The following RRP15 variants were observed in gnomAD, a reference collection of about 807,000 sequenced individuals.
The protein encoded by RRP15 is ribosomal RNA processing 15 homolog.
In RRP15, 18 loss-of-function variants were observed where a neutral mutation model predicts 27.1. That is an observed-to-expected ratio of 0.66 (90% CI 0.46 to 0.98). The LOEUF is 0.98. Ranked by LOEUF, RRP15 falls within the 50% of genes least tolerant of loss-of-function variation. RRP15 has a pLI of 0.00. For missense variants in RRP15, 359 were observed against 337.8 expected (o/e 1.06, Z -0.49); for synonymous variants, 107 against 109.4 (o/e 0.98, Z 0.14).
intron 4 of RRP15, among the ~76,000 whole-genome samples, chr1:218,315,234 G>A (rs965326184): frequency 2.7e-4 from 41 of 152,086 alleles, no homozygotes; most frequent in African/African-American, 9.4e-4. Context: ...TTAGTGGTGA[G>A]AATGCTTTTG....
At chr1:218,300,963 T>G (rs1264239407) in intron 1 of RRP15, among the ~76,000 whole-genome samples, 1 of 152,208 alleles carries the variant, frequency 6.6e-6, no homozygotes, top group Non-Finnish European at 1.5e-5. Context: ...TGCTTATGCC[T>G]TGGCCTTTTT....
intron 1 of RRP15, among the ~76,000 whole-genome samples, chr1:218,299,215 A>C (rs1292213141): frequency 2.0e-5 from 3 of 152,230 alleles, no homozygotes; most frequent in Admixed American, 6.5e-5. Flanking sequence ...AAATGTCATC[A>C]TTTTCATTGT....
chr1:218,334,993 A>C lies in RRP15; in HGVS notation c.*3902A>C, dbSNP rs1656427845. On this transcript the variant is annotated 3_prime_UTR_variant, in exon 5 of 5. Transcript: ENST00000366932. ...ATTAGTCAAGGGAATCTGTGAATAG[A>C]TTTAGAAGTAGAATGTTTGAGGTGG... The C allele has an allele frequency of 6.6e-6, 1 of 152,200 alleles. No homozygotes were observed. Among genetic ancestry groups the C allele is most frequent in the African/African-American group, 2.4e-5 (1 of 41,440 alleles). The allele number at this position is 152,200 out of a possible 1,614,324, so 9.4% of individuals were successfully genotyped here. A position where few individuals can be genotyped will look rare whatever the true frequency, so the allele number is the denominator to read the frequency against.
intron 2 of RRP15, 93 bp downstream of exon 2, chr1:218,302,652 A>G: frequency 6.6e-7 from 1 of 1,511,078 alleles, no homozygotes; most frequent in Non-Finnish European, 8.8e-7. Flanking sequence ...TGACCAATTA[A>G]CGTTCCAGTT....
chr1:218,303,680 C>CTG (rs1209319053), intron 2 of RRP15, among the ~76,000 whole-genome samples: 12 of 152,160 alleles, frequency 7.9e-5, no homozygotes, highest in Admixed American at 7.9e-4. Context: ...AGGAATGAGT[C>CTG]TGTAACTCTG....
At chr1:218,299,193 T>G (rs1012032673) in intron 1 of RRP15, among the ~76,000 whole-genome samples, 1 of 152,022 alleles carries the variant, frequency 6.6e-6, no homozygotes, top group Non-Finnish European at 1.5e-5. Context: ...GCATTTTTAA[T>G]TTGTTCATAT....
At chr1:218,319,128 C>T (rs977700840) in intron 4 of RRP15, among the ~76,000 whole-genome samples, 3 of 151,404 alleles carry the variant, frequency 2.0e-5, no homozygotes, top group African/African-American at 2.4e-5. Context: ...GGTGCAATCT[C>T]GGCTCGGCTC....
rs1405082148 is a variant in RRP15, at chr1:218,334,478, T to G, written c.*3387T>G. On this transcript the variant is annotated 3_prime_UTR_variant, in exon 5 of 5. Transcript: ENST00000366932. ...TTTTCCTCCCATTTCCTTCTATGTC[T>G]CCATTAATGTGCTAACTTGAAGGAA... 6.6e-6 allele frequency: 1 copy of G among 152,232 alleles called. No homozygotes were observed. The highest frequency in any genetic ancestry group is 1.5e-5 in the Non-Finnish European group (1 of 68,050). 9.4% of individuals were successfully genotyped at this position (152,232 alleles called of 1,614,324 possible). A position where few individuals can be genotyped will look rare whatever the true frequency, so the allele number is the denominator to read the frequency against.
intron 4 of RRP15, among the ~76,000 whole-genome samples, chr1:218,325,416 T>C (rs1326256240): frequency 6.6e-6 from 1 of 152,220 alleles, no homozygotes; most frequent in Admixed American, 6.5e-5. Context: ...GGAAGTAAAC[T>C]TTTGGGGACC....
chr1:218,302,386 A>G lies in RRP15; in HGVS notation c.232A>G (p.Asn78Asp), dbSNP rs1045801069. 1.2e-6 allele frequency: 2 copies of G among 1,614,012 alleles called. No homozygotes were observed. The highest frequency in any genetic ancestry group is 2.7e-5 in the African/African-American group (2 of 74,938). Residue 78 changes from asparagine to aspartate, a missense_variant, in exon 2 of 5, where the codon AAT becomes GAT. Physicochemically the swap from Asn to Asp is conservative, Grantham distance 23 (BLOSUM62 1). Coordinates refer to ENST00000366932, the MANE Select transcript of RRP15 (RefSeq NM_016052.4). ...EGDAEPCDKE[N>D]ENDGESSVGT... ...TGATGCTGAGCCCTGTGACAAAGAA[A>G]ATGAAAATGATGGAGAATCAAGTGT...
Position 218,333,338 on chromosome 1 carries a change from A to T in RRP15, c.*2247A>T, listed in dbSNP as rs1175655967. On this transcript the variant is annotated 3_prime_UTR_variant, in exon 5 of 5. Transcript: ENST00000366932. The stretch of plus-strand genomic sequence containing the variant: ...CCATATGTATAAATATGAAACCAGG[A>T]ATGTGCATATTTTAGAAACTAATTG... The T allele has an allele frequency of 6.6e-6, 1 of 152,210 alleles. No homozygotes were observed. The highest frequency in any genetic ancestry group is 2.4e-5 in the African/African-American group (1 of 41,454). The allele number at this position is 152,210 out of a possible 1,614,324, so 9.4% of individuals were successfully genotyped here.
intron 4 of RRP15, among the ~76,000 whole-genome samples, chr1:218,318,449 A>G (rs1414738816): frequency 6.6e-6 from 1 of 152,120 alleles, no homozygotes; most frequent in African/African-American, 2.4e-5. Flanking sequence ...TGAAGAATGA[A>G]TAATGAATCC....
In RRP15 at chr1:218,323,915, C is replaced by T. The variant is rs117566329; in HGVS notation, c.706-7033C>T. ...ACCGGGCAGTGGGAGAAGATACTTC[C>T]GAGCCTGCAGGGGCAGGGGGCGCCT... On this transcript the variant is annotated intron_variant, in intron 4 of 4. Coordinates refer to ENST00000366932, the MANE Select transcript of RRP15 (RefSeq NM_016052.4). Among the ~76,000 whole-genome samples the T allele has an allele frequency of 1.7e-3, 262 of 152,276 alleles. 4 individuals are homozygous for T. In the East Asian group the frequency reaches 0.036, roughly 21 times the overall value.
Position 218,331,242 on chromosome 1 carries a change from T to G in RRP15, c.*151T>G. On this transcript the variant is annotated 3_prime_UTR_variant, in exon 5 of 5. Coordinates refer to ENST00000366932, the MANE Select transcript of RRP15 (RefSeq NM_016052.4). ...ATTTCCCCTTTTCATGTACACTTTA[T>G]ATATACTTCATTAAAATTATATTTT... 1.9e-6 allele frequency: 1 copy of G among 534,866 alleles called. No individual in the cohort carries two copies. Among genetic ancestry groups the G allele is most frequent in the East Asian group, 3.1e-5 (1 of 32,402 alleles). The allele number at this position is 534,866 out of a possible 1,614,324, so 33.1% of individuals were successfully genotyped here.
At chr1:218,330,651 C>T (rs946947968) in intron 4 of RRP15, among the ~76,000 whole-genome samples, 2 of 152,150 alleles carry the variant, frequency 1.3e-5, no homozygotes, top group South Asian at 4.2e-4. Flanking sequence ...AAAATTAATA[C>T]CAAACCTAGA....
At chr1:218,303,305 T>C (rs995782487) in intron 2 of RRP15, among the ~76,000 whole-genome samples, 1 of 152,210 alleles carries the variant, frequency 6.6e-6, no homozygotes, top group Non-Finnish European at 1.5e-5. Context: ...AGTCACTTCA[T>C]AGGTAAAAAT....
chr1:218,295,126 G>A (rs555458050), intron 1 of RRP15, among the ~76,000 whole-genome samples: 1 of 152,170 alleles, frequency 6.6e-6, no homozygotes, highest in South Asian at 2.1e-4. Flanking sequence ...CCCCAAAACA[G>A]AAAAACAGTC....
At chr1:218,312,592 T>C (rs1172868780) in intron 4 of RRP15, among the ~76,000 whole-genome samples, 2 of 152,116 alleles carry the variant, frequency 1.3e-5, no homozygotes, top group Non-Finnish European at 2.9e-5. Context: ...TCACCACATA[T>C]TTCATTTAGA....
Position 218,331,203 on chromosome 1 carries a change from T to C in RRP15, c.*112T>C. On this transcript the variant is annotated 3_prime_UTR_variant, in exon 5 of 5. Coordinates refer to ENST00000366932, the MANE Select transcript of RRP15 (RefSeq NM_016052.4). Reference sequence around the variant, plus strand: ...CATTTGTAAGAAAGCCAAAAGACTTTTGCCAGATTTCATATTTCCCCTTTT... The same window carrying C: ...CATTTGTAAGAAAGCCAAAAGACTTCTGCCAGATTTCATATTTCCCCTTTT... 1 of 983,774 alleles carries C rather than the reference T, an allele frequency of 1.0e-6. No homozygotes were observed. The highest frequency in any genetic ancestry group is 1.4e-6 in the Non-Finnish European group (1 of 692,286). 60.9% of individuals were successfully genotyped at this position (983,774 alleles called of 1,614,324 possible).
Sources: allele counts gnomAD v4.1 joint callset (sites outside exome capture counted in the v4.1 genomes callset), GRCh38; gene constraint gnomAD v4.1.1; transcripts MANE v1.5; gene names NCBI Gene and HGNC (gene_info 2026-07-23, HGNC 2026-07-21).